KCNN4: variants seen among roughly 807,000 people sequenced by gnomAD.
KCNN4 encodes potassium calcium-activated channel subfamily N member 4, also known as intermediate conductance calcium-activated potassium channel protein 4.
A neutral mutation model predicts 45.2 loss-of-function variants in KCNN4; 31 were observed. The ratio of observed to expected loss-of-function variants is 0.69; its 90% CI spans 0.52 to 0.92. The LOEUF (loss-of-function observed/expected upper bound fraction) is 0.92, where lower values mean the gene tolerates loss of function less well. KCNN4 is among the 40% of genes least tolerant of loss of function. The pLI is 0.00. For synonymous variants in KCNN4, 231 were observed against 254.6 expected, an observed-to-expected ratio of 0.91 and a Z score of 0.88; for missense variants, 463 against 574.0, an observed-to-expected ratio of 0.81 and a Z score of 1.98.
intron 1 of KCNN4, 165 bp from the exon 2 acceptor site, chr19:43,776,801 C>G: frequency 1.6e-6 from 1 of 612,104 alleles, no homozygotes. Flanking sequence ...GGAGAAGTCT[C>G]AAAACCATCA....
At chr19:43,770,878 GGGA>G (rs2146445636) in intron 4 of KCNN4, among the ~76,000 whole-genome samples, 1 of 152,312 alleles carries the variant, frequency 6.6e-6, no homozygotes, top group Admixed American at 6.5e-5. Context: ...TGTCAAATGA[GGGA>G]GGAGGTCCTG....
Position 43,776,644 on chromosome 19 carries a change from G to A in KCNN4, c.160-8C>T, listed in dbSNP as rs775420730. The A allele has an allele frequency of 6.3e-6, 10 of 1,598,098 alleles. No homozygotes were observed. The highest frequency in any genetic ancestry group is 1.7e-5 in the Admixed American group (1 of 59,984). On this transcript the variant is annotated splice_region_variant and splice_polypyrimidine_tract_variant and intron_variant, in intron 1 of 8. Coordinates refer to ENST00000648319, the MANE Select transcript of KCNN4 (RefSeq NM_002250.3). ...GAACAGGTAGAGCGCCCACTGTCAG[G>A]GGGGACGGAAAAAGCGGTGTGAGAT...
Position 43,769,329 on chromosome 19 carries a change from A to G in KCNN4, c.1049+113T>C. The G allele has an allele frequency of 2.4e-6, 2 of 839,230 alleles. No homozygotes were observed. The highest frequency in any genetic ancestry group is 2.9e-5 in the South Asian group (2 of 68,010). The allele number at this position is 839,230 out of a possible 1,614,324, so 52.0% of individuals were successfully genotyped here. A position where few individuals can be genotyped will look rare whatever the true frequency, so the allele number is the denominator to read the frequency against. ...TGAGACCTGGATGTTGAGTGAGACC[A>G]CACCTGGGTGTCCTGACCTGGACAG... On this transcript the variant is annotated intron_variant, in intron 6 of 8. Transcript: ENST00000648319. This position sits in a 1 kb window ranked among gnomAD's most constrained non-coding sequence, Gnocchi z 4.4.
intron 8 of KCNN4, 41 bp downstream of exon 8, chr19:43,767,499 T>C (rs1411149214): frequency 1.9e-6 from 3 of 1,596,412 alleles, no homozygotes; most frequent in Non-Finnish European, 2.6e-6. Context: ...CAGGAACCCT[T>C]CCTCCAGGAT....
At chr19:43,771,835 A>G (rs539659936) in intron 4 of KCNN4, among the ~76,000 whole-genome samples, 165 bp downstream of exon 4, 6 of 152,232 alleles carry the variant, frequency 3.9e-5, no homozygotes, top group African/African-American at 1.4e-4. Flanking sequence ...ACAGGTGAGT[A>G]TCTTGTTCTT....
chr19:43,773,924 A>G (rs1969712549), intron 3 of KCNN4, among the ~76,000 whole-genome samples: 1 of 152,164 alleles, frequency 6.6e-6, no homozygotes, highest in South Asian at 2.1e-4. Flanking sequence ...AGGCAGCCGG[A>G]AGGGAGGGGC....
At position 43,769,308 on chromosome 19, in the gene KCNN4, A is replaced by ATCTGGAT. The variant is rs1969571222; in HGVS notation, c.1049+133_1049+134insATCCAGA. 1.3e-6 allele frequency: 1 copy of ATCTGGAT among 751,438 alleles called. No individual in the cohort carries two copies. Among genetic ancestry groups the ATCTGGAT allele is most frequent in the East Asian group, 2.5e-5 (1 of 40,512 alleles). The allele number at this position is 751,438 out of a possible 1,614,324, so 46.5% of individuals were successfully genotyped here. On this transcript the variant is annotated intron_variant, in intron 6 of 8. Coordinates refer to ENST00000648319, the MANE Select transcript of KCNN4 (RefSeq NM_002250.3). This position sits in a 1 kb window ranked among gnomAD's most constrained non-coding sequence, Gnocchi z 4.4. The stretch of plus-strand genomic sequence containing the variant: ...TCATGCACGGTCAGATCCAGGTGAG[A>ATCTGGAT]CCTGGATGTTGAGTGAGACCACACC...
rs181592453 is a variant in KCNN4, at chr19:43,768,274, G to A, written c.1120-567C>T. Among the ~76,000 whole-genome samples the A allele has an allele frequency of 7.2e-5, 11 of 152,348 alleles. No homozygotes were observed. The East Asian group carries it at 1.7e-3, about 24-fold the overall frequency. On this transcript the variant is annotated intron_variant, in intron 7 of 8. Coordinates refer to ENST00000648319, the MANE Select transcript of KCNN4 (RefSeq NM_002250.3). ...GGTTTTGGGGCCTGCATCTGTGACC[G>A]TGCTTACCATGGCATTGCTGCCAGG... is the stretch of plus-strand genomic sequence containing the variant.
At chr19:43,773,437 C>A (rs1969698721) in intron 3 of KCNN4, among the ~76,000 whole-genome samples, 1 of 152,210 alleles carries the variant, frequency 6.6e-6, no homozygotes, top group African/African-American at 2.4e-5. Context: ...GCCACATACA[C>A]TAGACCAGAG....
chr19:43,775,237 G>T (rs1292191591), intron 2 of KCNN4, among the ~76,000 whole-genome samples: 1 of 152,220 alleles, frequency 6.6e-6, no homozygotes, highest in Non-Finnish European at 1.5e-5. Context: ...TGAGGTAGGA[G>T]AATCACTTGA....
chr19:43,773,480 T>A (rs1015469409), intron 3 of KCNN4, among the ~76,000 whole-genome samples: 3 of 152,190 alleles, frequency 2.0e-5, no homozygotes, highest in African/African-American at 7.2e-5. Flanking sequence ...TAGAATCACC[T>A]GGAAGGCTTG....
chr19:43,777,340 G>T (rs11083720), intron 1 of KCNN4, among the ~76,000 whole-genome samples: 45,544 of 132,666 alleles, frequency 0.34, 7,276 homozygotes, highest in South Asian at 0.47. Flanking sequence ...TGTGTGTGTG[G>T]TGTCTAGAAA....
In KCNN4 at chr19:43,772,603, T is replaced by C. The variant is rs2146450002; in HGVS notation, c.684-468A>G. 6.6e-6 allele frequency among the ~76,000 whole-genome samples: 1 copy of C among 152,150 alleles called. No individual in the cohort carries two copies. Among genetic ancestry groups the C allele is most frequent in the Non-Finnish European group, 1.5e-5 (1 of 68,022 alleles). ...TGGCCCTATCAGGACCAAAAAGGAC[T>C]CTAAAAAGGCTTGGTGGGACTCGGC... On this transcript the variant is annotated intron_variant, in intron 3 of 8. Transcript: ENST00000648319. The surrounding 1 kb of genome is among the most constrained non-coding windows in gnomAD (Gnocchi z 4.4).
At chr19:43,776,211 T>C (rs1044980578) in intron 2 of KCNN4, among the ~76,000 whole-genome samples, 8 of 146,992 alleles carry the variant, frequency 5.4e-5, no homozygotes, top group Non-Finnish European at 8.9e-5. Context: ...GGGGATGCCA[T>C]GTCGGAGCAC....
intron 8 of KCNN4, chr19:43,767,321 A>C (rs1183796901): frequency 3.5e-6 from 2 of 564,450 alleles, no homozygotes; most frequent in Non-Finnish European, 6.3e-6. Flanking sequence ...GCAAAGAGGG[A>C]GAAGGCCATC....
intron 7 of KCNN4, among the ~76,000 whole-genome samples, chr19:43,768,580 C>G (rs1969547076): frequency 6.6e-6 from 1 of 152,110 alleles, no homozygotes; most frequent in Non-Finnish European, 1.5e-5. Flanking sequence ...CAGTGTTGTT[C>G]ATTTTAATTG....
At chr19:43,776,478 GTGAGC>G in intron 2 of KCNN4, 58 bp downstream of exon 2, 2 of 1,133,552 alleles carry the variant, frequency 1.8e-6, no homozygotes, top group Non-Finnish European at 2.7e-6. Flanking sequence ...GGTGGAAAGT[GTGAGC>G]TGACAGGGCG....
chr19:43,769,419 T>C lies in KCNN4; in HGVS notation c.1049+23A>G, dbSNP rs371076831. On this transcript the variant is annotated intron_variant, in intron 6 of 8. Coordinates refer to ENST00000648319, the MANE Select transcript of KCNN4 (RefSeq NM_002250.3). This position sits in a 1 kb window ranked among gnomAD's most constrained non-coding sequence, Gnocchi z 4.4. ...TTGGACATGGGTGCACATGGACACGTGTGCATACAAAGCGGCCCTCACGCG... is the reference window on the plus strand; with the variant it reads ...TTGGACATGGGTGCACATGGACACGCGTGCATACAAAGCGGCCCTCACGCG... 1.9e-6 allele frequency: 3 copies of C among 1,586,258 alleles called. No homozygotes were observed. The African/African-American group carries it at 4.0e-5, about 21-fold the overall frequency.
In KCNN4 at chr19:43,769,175, G is replaced by A. The variant is rs951952903; in HGVS notation, c.1050-143C>T. 2.2e-6 allele frequency: 2 copies of A among 921,922 alleles called. No homozygotes were observed. Among genetic ancestry groups the A allele is most frequent in the Non-Finnish European group, 3.4e-6 (2 of 582,772 alleles). 57.1% of individuals were successfully genotyped at this position (921,922 alleles called of 1,614,324 possible). A position where few individuals can be genotyped will look rare whatever the true frequency, so the allele number is the denominator to read the frequency against. On this transcript the variant is annotated intron_variant, in intron 6 of 8. Transcript: ENST00000648319. The surrounding 1 kb of genome is among the most constrained non-coding windows in gnomAD (Gnocchi z 4.4). ...GTCGAAGAGCTGAAAGAGTGGGAGG[G>A]GATGCACCCTGCCTCCCCACGAGCC...
Sources: allele counts gnomAD v4.1 joint callset (sites outside exome capture counted in the v4.1 genomes callset), GRCh38; gene constraint gnomAD v4.1.1; non-coding constraint Gnocchi (gnomAD v3.1); transcripts MANE v1.5; gene names NCBI Gene and HGNC (gene_info 2026-07-23, HGNC 2026-07-21).